FANCI: variants seen among roughly 807,000 people sequenced by gnomAD.
FANCI encodes the protein FA complementation group I.
In FANCI, 156 loss-of-function variants were observed where a neutral mutation model predicts 176.1. The ratio of observed to expected loss-of-function variants is 0.89; its 90% confidence interval spans 0.78 to 1.01. FANCI has a LOEUF of 1.01. Ranked by LOEUF, FANCI falls within the 50% of genes least tolerant of loss-of-function variation. FANCI has a pLI of 0.00. For missense variants in FANCI, 1,678 were observed against 1,534.1 expected, an observed-to-expected ratio of 1.09 and a Z score of -1.57; for synonymous variants, 613 against 541.7, an observed-to-expected ratio of 1.13 and a Z score of -1.83.
intron 4 of FANCI, among the ~76,000 whole-genome samples, chr15:89,261,093 A>G (rs1365012087): frequency 6.6e-6 from 1 of 152,036 alleles, no homozygotes; most frequent in Non-Finnish European, 1.5e-5. Context: ...GTGAAACCCC[A>G]TCTCTACCAA....
chr15:89,307,739 A>G (rs2054781828), intron 34 of FANCI, 67 bp downstream of exon 34: 7 of 1,613,744 alleles, frequency 4.3e-6, no homozygotes, highest in Non-Finnish European at 5.1e-6. Context: ...CCAGGGGACT[A>G]TTGATCACCT....
In FANCI at chr15:89,282,955, A is replaced by G. The variant is rs1404080548; in HGVS notation, c.1584-181A>G. 26 of 639,964 alleles carry G rather than the reference A, an allele frequency of 4.1e-5. No individual in the cohort carries two copies. The Admixed American group carries it at 5.9e-4, about 15-fold the overall frequency. The allele number at this position is 639,964 out of a possible 1,614,324, so 39.6% of individuals were successfully genotyped here. On this transcript the variant is annotated intron_variant, in intron 16 of 37. Transcript: ENST00000310775. Reference sequence around the variant, plus strand: ...TGAAAAAAGTCAGTTGAATTTCTGTACTATAAATTGCTTTGAACAGCTGAT... The same window carrying G: ...TGAAAAAAGTCAGTTGAATTTCTGTGCTATAAATTGCTTTGAACAGCTGAT...
intron 1 of FANCI, among the ~76,000 whole-genome samples, chr15:89,244,722 C>T (rs186175295): frequency 1.3e-5 from 2 of 152,292 alleles, no homozygotes; most frequent in South Asian, 2.1e-4. Flanking sequence ...TGGACAGACT[C>T]GGGTTTCACT....
chr15:89,295,227 C>A, intron 24 of FANCI, 133 bp downstream of exon 24: 1 of 1,065,034 alleles, frequency 9.4e-7, no homozygotes, highest in Non-Finnish European at 1.3e-6. Context: ...AAAACATTAG[C>A]CAGGTGGCAG....
chr15:89,307,497 T>G lies in FANCI; in HGVS notation c.3559T>G (p.Ser1187Ala). ...TTAGTATCTCCAGGTGTGTCAGAGC[T>G]CCGGAGGAATTCCAAAAAATATGGA... ...VRYYLQVCQS[S>A]GGIPKNMEKL... The change falls in exon 33 of 38, where the codon TCC becomes GCC. Residue 1187 changes from serine to alanine, a missense_variant. Transcript: ENST00000310775. 2 of 1,614,182 alleles carry G rather than the reference T, an allele frequency of 1.2e-6. No individual in the cohort carries two copies. The highest frequency in any genetic ancestry group is 3.3e-5 in the Admixed American group (2 of 60,024).
At chr15:89,300,141 G>T (rs1244300924) in intron 25 of FANCI, among the ~76,000 whole-genome samples, 159 bp from the exon 26 acceptor site, 1 of 152,140 alleles carries the variant, frequency 6.6e-6, no homozygotes, top group East Asian at 1.9e-4. Flanking sequence ...ACCACAAAGA[G>T]TGGCTGGAAA....
chr15:89,286,691 T>G (rs991452857), intron 18 of FANCI, among the ~76,000 whole-genome samples: 5 of 152,164 alleles, frequency 3.3e-5, no homozygotes, highest in African/African-American at 9.7e-5. Flanking sequence ...GCATAATTCT[T>G]AAGGGCCCTA....
At chr15:89,279,851 A>G (rs1220501872) in intron 14 of FANCI, among the ~76,000 whole-genome samples, 6 of 151,998 alleles carry the variant, frequency 3.9e-5, no homozygotes, top group African/African-American at 1.2e-4. Context: ...TCTAATTCCT[A>G]TTCTTACTAC....
chr15:89,271,118 C>T (rs1273722185), intron 10 of FANCI, among the ~76,000 whole-genome samples: 1 of 151,866 alleles, frequency 6.6e-6, no homozygotes, highest in Non-Finnish European at 1.5e-5. Context: ...TTACTAGTAT[C>T]TTTTCTAGGC....
Position 89,287,252 on chromosome 15 carries a change from C to T in FANCI, c.1821+2034C>T, listed in dbSNP as rs528783022. Among the ~76,000 whole-genome samples the T allele has an allele frequency of 3.9e-5, 6 of 152,256 alleles. No individual in the cohort carries two copies. In the South Asian group the frequency reaches 1.0e-3, roughly 26 times the overall value. On this transcript the variant is annotated intron_variant, in intron 18 of 37. Transcript: ENST00000310775. ...CCTCCTAAAGTGCTGGGATTACAGG[C>T]GTGAGCCACTGCGCCCAGCCCCTTG...
chr15:89,282,855 T>C (rs1321470092), intron 16 of FANCI: 1 of 422,628 alleles, frequency 2.4e-6, no homozygotes, highest in Non-Finnish European at 4.4e-6. Context: ...TTTTACAGTC[T>C]CTCAGCAGTC....
chr15:89,269,325 A>G (rs986521798), intron 10 of FANCI, among the ~76,000 whole-genome samples: 18 of 152,190 alleles, frequency 1.2e-4, no homozygotes. Context: ...AAAATTAACA[A>G]TAATTCCATA....
intron 20 of FANCI, 35 bp from the exon 21 acceptor site, chr15:89,292,653 T>G (rs2054112600): frequency 1.9e-6 from 3 of 1,601,910 alleles, no homozygotes; most frequent in East Asian, 2.2e-5. Flanking sequence ...CCATCAACAC[T>G]CAAGAGTATT....
At chr15:89,271,297 G>T (rs1342512872) in intron 10 of FANCI, among the ~76,000 whole-genome samples, 1 of 151,612 alleles carries the variant, frequency 6.6e-6, no homozygotes, top group Non-Finnish European at 1.5e-5. Flanking sequence ...GATCTTTTAT[G>T]CCCATTTAAT....
chr15:89,245,254 C>A (rs557872341), intron 1 of FANCI: 1 of 150,102 alleles, frequency 6.7e-6, no homozygotes, highest in African/African-American at 2.5e-5. Flanking sequence ...CTGCAACCTC[C>A]GCCTCCTGAG....
chr15:89,257,309 TC>T (rs1361151713), intron 2 of FANCI, among the ~76,000 whole-genome samples: 1 of 152,224 alleles, frequency 6.6e-6, no homozygotes, highest in Non-Finnish European at 1.5e-5. Context: ...CTTTTCTTCA[TC>T]GCCTGTATTA....
At chr15:89,268,618 A>G (rs2053072214) in intron 10 of FANCI, 93 bp downstream of exon 10, 1 of 1,490,204 alleles carries the variant, frequency 6.7e-7, no homozygotes, top group Non-Finnish European at 9.3e-7. Context: ...CAGGAAATAA[A>G]TACTGTAAAA....
At chr15:89,300,541 G>A (rs1416087092) in intron 26 of FANCI, among the ~76,000 whole-genome samples, 156 bp downstream of exon 26, 1 of 152,196 alleles carries the variant, frequency 6.6e-6, no homozygotes, top group Non-Finnish European at 1.5e-5. Flanking sequence ...CAGAATGGAA[G>A]ATAATGTATT....
intron 1 of FANCI, chr15:89,245,735 C>T (rs2051935731): frequency 6.6e-6 from 1 of 152,132 alleles, no homozygotes; most frequent in Non-Finnish European, 1.5e-5. Flanking sequence ...ACTTGCAGGA[C>T]TTATTTTATC....
Sources: allele counts gnomAD v4.1 joint callset (sites outside exome capture counted in the v4.1 genomes callset), GRCh38; gene constraint gnomAD v4.1.1; transcripts MANE v1.5; gene names NCBI Gene and HGNC (gene_info 2026-07-23, HGNC 2026-07-21).